RNASEH2A: variants seen among roughly 807,000 people sequenced by gnomAD.
The protein encoded by RNASEH2A is ribonuclease H2 subunit A.
RNASEH2A carries 30 observed loss-of-function variants against 32.7 expected under a neutral mutation model. The observed-to-expected ratio is 0.92, with a 90% CI of 0.69 to 1.25. The LOEUF (loss-of-function observed/expected upper bound fraction) is 1.25, where lower values mean the gene tolerates loss of function less well. Among genes scored for constraint, RNASEH2A ranks in the 50% most tolerant of loss-of-function variants. RNASEH2A has a pLI of 0.00. For missense variants in RNASEH2A, 409 were observed against 398.1 expected, an observed-to-expected ratio of 1.03 and a Z score of -0.23; for synonymous variants, 147 against 165.4, an observed-to-expected ratio of 0.89 and a Z score of 0.86.
Position 12,810,329 on chromosome 19 carries a change from C to T in RNASEH2A, c.562C>T (p.Gln188Ter). 6.2e-7 allele frequency: 1 copy of T among 1,614,142 alleles called. No homozygotes were observed. Residue 188 changes from glutamine (Q) to a stop codon, truncating the protein, a stop_gained, in exon 6 of 8, where the codon CAG becomes TAG. Coordinates refer to ENST00000221486, the MANE Select transcript of RNASEH2A (RefSeq NM_006397.3). LOFTEE classifies it high-confidence loss of function. The part of the protein sequence containing the change: ...ASICAKVARD[Q>*]AVKKWQFVEK... Reference sequence around the variant, plus strand: ...GTTTTGCCCACAGGTGGCCCGGGACCAGGCCGTGAAGAAATGGCAGTTCGT... The same window carrying T: ...GTTTTGCCCACAGGTGGCCCGGGACTAGGCCGTGAAGAAATGGCAGTTCGT...
In RNASEH2A at chr19:12,807,289, G is replaced by A. The variant is rs551889201; in HGVS notation, c.283G>A (p.Val95Met). ...GGACTTTGTCGGCTGGGCGCTGGATGTGCTGTCTCCAAACCTCATCTCTAC... is the reference window on the plus strand; with the variant it reads ...GGACTTTGTCGGCTGGGCGCTGGATATGCTGTCTCCAAACCTCATCTCTAC... ...DTDFVGWALD[V>M]LSPNLISTSM... The change falls in exon 3 of 8, where the codon GTG becomes ATG. Residue 95 changes from valine to methionine, a missense_variant. Transcript: ENST00000221486. 6.2e-6 allele frequency: 10 copies of A among 1,614,198 alleles called. No homozygotes were observed. The highest frequency in any genetic ancestry group is 5.5e-5 in the South Asian group (5 of 91,090).
At chr19:12,808,830 G>A (rs1231468574) in intron 4 of RNASEH2A, among the ~76,000 whole-genome samples, 2 of 152,206 alleles carry the variant, frequency 1.3e-5, no homozygotes, top group African/African-American at 4.8e-5. Flanking sequence ...GCTCACGCCT[G>A]TAATCCCAGC....
intron 2 of RNASEH2A, 40 bp downstream of exon 2, chr19:12,807,119 T>A: frequency 6.2e-7 from 1 of 1,613,850 alleles, no homozygotes; most frequent in African/African-American, 1.3e-5. Context: ...GATTCCTGGG[T>A]ATGTGCAGGG....
chr19:12,811,523 T>A (rs1356196358), intron 6 of RNASEH2A, among the ~76,000 whole-genome samples: 1 of 151,424 alleles, frequency 6.6e-6, no homozygotes, highest in African/African-American at 2.4e-5. Flanking sequence ...GAGGCTAAGG[T>A]GGGTGGGTTG....
chr19:12,813,024 C>T, intron 6 of RNASEH2A, 59 bp from the exon 7 acceptor site: 2 of 1,607,116 alleles, frequency 1.2e-6, no homozygotes, highest in Non-Finnish European at 1.7e-6. Context: ...AAAAGAGTGG[C>T]AGGGAGCTTG....
At position 12,807,280 on chromosome 19, in the gene RNASEH2A, G is replaced by T; in HGVS notation, c.274G>T (p.Ala92Ser). 6.2e-7 allele frequency: 1 copy of T among 1,614,184 alleles called. No individual in the cohort carries two copies. The highest frequency in any genetic ancestry group is 1.1e-5 in the South Asian group (1 of 91,090). The change falls in exon 3 of 8, where the codon GCG becomes TCG. Residue 92 changes from alanine (A) to serine (S), a missense_variant. Coordinates refer to ENST00000221486, the MANE Select transcript of RNASEH2A (RefSeq NM_006397.3). ...GGAGGACACGGACTTTGTCGGCTGG[G>T]CGCTGGATGTGCTGTCTCCAAACCT... is the stretch of plus-strand genomic sequence containing the variant. ...KMEDTDFVGW[A>S]LDVLSPNLIS...
intron 6 of RNASEH2A, among the ~76,000 whole-genome samples, chr19:12,812,207 C>T (rs990905141): frequency 3.3e-5 from 5 of 151,882 alleles, no homozygotes; most frequent in African/African-American, 1.2e-4. Context: ...GCACTCCAGC[C>T]TGGGTAATAG....
chr19:12,811,989 G>A (rs1169514277), intron 6 of RNASEH2A, among the ~76,000 whole-genome samples: 1 of 151,766 alleles, frequency 6.6e-6, no homozygotes, highest in Non-Finnish European at 1.5e-5. Flanking sequence ...CGTAATCCTA[G>A]CATTTTAAGA....
chr19:12,813,513 A>T lies in RNASEH2A; in HGVS notation c.*47A>T. The T allele has an allele frequency of 6.2e-7, 1 of 1,607,600 alleles. No individual in the cohort carries two copies. The highest frequency in any genetic ancestry group is 1.1e-5 in the South Asian group (1 of 91,066). ...CCTGCTTCCCCAACCCAGACATTAA[A>T]ATTGTTTAAGGAGAACCACACGTAG... is the stretch of plus-strand genomic sequence containing the variant. On this transcript the variant is annotated 3_prime_UTR_variant, in exon 8 of 8. Transcript: ENST00000221486.
intron 4 of RNASEH2A, among the ~76,000 whole-genome samples, chr19:12,808,274 G>A (rs921437746): frequency 1.3e-5 from 2 of 152,072 alleles, no homozygotes; most frequent in African/African-American, 4.8e-5. Context: ...AAAAATAAAT[G>A]TGGGCAAAAA....
At chr19:12,807,596 T>G in intron 4 of RNASEH2A, 90 bp downstream of exon 4, 1 of 1,076,564 alleles carries the variant, frequency 9.3e-7, no homozygotes, top group South Asian at 1.3e-5. Context: ...GCCATGATCA[T>G]GCCACAGCAC....
Position 12,806,637 on chromosome 19 carries a change from AT to A in RNASEH2A, c.-35del. ...GCGCGCCGAGACCCGCTCCTGCAGTATTAGTTCTTGCAGCTGGTGGTGGCGG... is the reference window on the plus strand; with the variant it reads ...GCGCGCCGAGACCCGCTCCTGCAGTATAGTTCTTGCAGCTGGTGGTGGCGG... On this transcript the variant is annotated 5_prime_UTR_variant, in exon 1 of 8. Coordinates refer to ENST00000221486, the MANE Select transcript of RNASEH2A (RefSeq NM_006397.3). The A allele has an allele frequency of 6.4e-7, 1 of 1,564,928 alleles. No homozygotes were observed. Among genetic ancestry groups the A allele is most frequent in the Non-Finnish European group, 8.7e-7 (1 of 1,154,664 alleles).
rs199572212 is a variant in RNASEH2A at position 12,807,261 on chromosome 19, C to T, written c.255C>T (p.Asp85=). The T allele has an allele frequency of 6.2e-7, 1 of 1,614,180 alleles. No homozygotes were observed. The highest frequency in any genetic ancestry group is 1.3e-5 in the African/African-American group (1 of 75,042). ...ERERLFAKME[D]TDFVGWALDV... Reference sequence around the variant, plus strand: ...AAAGGCTGTTTGCGAAAATGGAGGACACGGACTTTGTCGGCTGGGCGCTGG... The same window carrying T: ...AAAGGCTGTTTGCGAAAATGGAGGATACGGACTTTGTCGGCTGGGCGCTGG... The change falls in exon 3 of 8, where the codon GAC becomes GAT. Residue 85 remains aspartate, a synonymous_variant. Transcript: ENST00000221486.
Position 12,807,439 on chromosome 19 carries a change from C to A in RNASEH2A, c.344C>A (p.Ser115Tyr). The A allele has an allele frequency of 1.2e-6, 2 of 1,614,200 alleles. No individual in the cohort carries two copies. The highest frequency in any genetic ancestry group is 1.7e-6 in the Non-Finnish European group (2 of 1,180,036). ...MLGRVKYNLN[S>Y]LSHDTATGLI... ...CACAGGGTCAAATACAACCTGAACT[C>A]CCTGTCACATGATACAGCCACTGGG... Residue 115 changes from serine (S) to tyrosine (Y), a missense_variant, in exon 4 of 8, where the codon TCC becomes TAC. Transcript: ENST00000221486.
chr19:12,807,056 A>T lies in RNASEH2A; in HGVS notation c.176A>T (p.Asp59Val), dbSNP rs770257806. 1 of 1,614,084 alleles carries T rather than the reference A, an allele frequency of 6.2e-7. No homozygotes were observed. Residue 59 changes from aspartate to valine, a missense_variant, in exon 2 of 8, where the codon GAT (aspartate) becomes GTT (valine). Coordinates refer to ENST00000221486, the MANE Select transcript of RNASEH2A (RefSeq NM_006397.3). ...TATTGTCCCCTGCCTCGCCTGGCAG[A>T]TCTGGAGGCGCTGAAAGTGGCAGGT... The part of the protein sequence containing the change: ...ICYCPLPRLA[D>V]LEALKVADSK...
chr19:12,807,390 G>A, intron 3 of RNASEH2A, 29 bp from the exon 4 acceptor site: 1 of 1,614,152 alleles, frequency 6.2e-7, no homozygotes, highest in East Asian at 2.2e-5. Context: ...CCTAGAATGA[G>A]ATTAACTGGG....
chr19:12,811,866 G>A (rs981227688), intron 6 of RNASEH2A, among the ~76,000 whole-genome samples: 6 of 151,560 alleles, frequency 4.0e-5, no homozygotes, highest in Non-Finnish European at 5.9e-5. Flanking sequence ...GCAGTGAGCC[G>A]AGATCGCATA....
At chr19:12,807,544 A>C in intron 4 of RNASEH2A, 38 bp downstream of exon 4, 59 of 1,531,614 alleles carry the variant, frequency 3.9e-5, no homozygotes, top group Non-Finnish European at 4.8e-5. Context: ...TGGTCATCTC[A>C]GGATAAAATG....
chr19:12,807,629 G>GC (rs1969013999), intron 4 of RNASEH2A, 123 bp downstream of exon 4: 6 of 888,122 alleles, frequency 6.8e-6, no homozygotes, highest in Admixed American at 4.0e-5. Context: ...GACAAAGGAA[G>GC]CCCCCCAACT....
Sources: gnomAD v4.1 joint callset for allele counts (sites outside exome capture counted in the v4.1 genomes callset) on GRCh38, gnomAD v4.1.1 for gene constraint, MANE v1.5 for transcripts, NCBI Gene and HGNC (gene_info 2026-07-23, HGNC 2026-07-21) for gene names.